The following NFIB variants were observed in gnomAD, a reference collection of about 807,000 sequenced individuals.
The protein encoded by NFIB is nuclear factor 1 B-type.
NFIB carries 11 observed loss-of-function variants against 61.5 expected under a neutral mutation model. The observed-to-expected ratio is 0.18, with a 90% CI of 0.11 to 0.30. The LOEUF (loss-of-function observed/expected upper bound fraction) is 0.30. Ranked by LOEUF, NFIB falls within the 10% of genes least tolerant of loss-of-function variation. The pLI, the probability that NFIB is intolerant of heterozygous loss-of-function variation, is 1.00. For synonymous variants in NFIB, 260 were observed against 216.5 expected (o/e 1.20, Z -1.76); for missense variants, 471 against 608.9 (o/e 0.77, Z 2.38).
At chr9:14,125,855 A>G in intron 6 of NFIB, 89 bp from the exon 7 acceptor site, 1 of 1,516,794 alleles carries the variant, frequency 6.6e-7, no homozygotes, top group Non-Finnish European at 8.8e-7. Flanking sequence ...ATCTTGCAAC[A>G]TTTTAGTATT....
At chr9:14,238,500 G>A (rs777555389) in intron 2 of NFIB, among the ~76,000 whole-genome samples, 1 of 152,166 alleles carries the variant, frequency 6.6e-6, no homozygotes, top group Non-Finnish European at 1.5e-5. Flanking sequence ...GGGTGCATGC[G>A]CTGAATTTTA....
chr9:14,368,577 C>T (rs898138409), intron 1 of NFIB, among the ~76,000 whole-genome samples: 24 of 152,284 alleles, frequency 1.6e-4, no homozygotes, highest in African/African-American at 5.8e-4. Flanking sequence ...AACTGATAAG[C>T]ATTTCTCGAC....
At chr9:14,097,917 G>T (rs2035119458) in intron 10 of NFIB, among the ~76,000 whole-genome samples, 1 of 120,206 alleles carries the variant, frequency 8.3e-6, no homozygotes, top group Non-Finnish European at 1.6e-5. Context: ...TGACCAACCA[G>T]ATCCAAATAA....
intron 1 of NFIB, among the ~76,000 whole-genome samples, chr9:14,311,862 G>T (rs945641976): frequency 2.6e-4 from 39 of 152,094 alleles, no homozygotes; most frequent in East Asian, 1.2e-3. Flanking sequence ...TGATCACGGT[G>T]TAAAAATAAT....
At chr9:14,281,695 A>T (rs2058379143) in intron 2 of NFIB, among the ~76,000 whole-genome samples, 1 of 152,192 alleles carries the variant, frequency 6.6e-6, no homozygotes, top group South Asian at 2.1e-4. Flanking sequence ...CATTATAGGT[A>T]AAAACAATGA....
intron 3 of NFIB, among the ~76,000 whole-genome samples, chr9:14,165,928 T>C (rs2044736322): frequency 6.6e-6 from 1 of 152,162 alleles, no homozygotes; most frequent in Non-Finnish European, 1.5e-5. Context: ...TGGAGGTTGG[T>C]TGCACAATGA....
At chr9:14,119,314 T>G (rs1243921918) in intron 8 of NFIB, among the ~76,000 whole-genome samples, 2 of 152,184 alleles carry the variant, frequency 1.3e-5, no homozygotes, top group Non-Finnish European at 2.9e-5. Flanking sequence ...TCTTCTAAAA[T>G]ACAAATAATA....
chr9:14,257,575 C>T (rs1587970001), intron 2 of NFIB, among the ~76,000 whole-genome samples: 3 of 151,990 alleles, frequency 2.0e-5, no homozygotes, highest in Admixed American at 1.3e-4. Flanking sequence ...GCCAACGTGG[C>T]GAAACCCTGT....
the NFIB span, among the ~76,000 whole-genome samples, chr9:14,492,813 T>C: frequency 6.6e-6 from 1 of 152,102 alleles, no homozygotes; most frequent in African/African-American, 2.4e-5. Flanking sequence ...GTCCCTTTTA[T>C]AGGTAAAGAG....
rs2032418285 is a variant in NFIB, at chr9:14,083,821, A to T, written c.*4488T>A. 2.6e-5 allele frequency: 6 copies of T among 226,424 alleles called. No homozygotes were observed. In the East Asian group the frequency reaches 3.8e-4, roughly 14 times the overall value. The allele number at this position is 226,424 out of a possible 1,614,324, so 14.0% of individuals were successfully genotyped here. On this transcript the variant is annotated 3_prime_UTR_variant, in exon 11 of 11. Coordinates refer to ENST00000380953, the MANE Select transcript of NFIB (RefSeq NM_001190737.2). Reference sequence around the variant, plus strand: ...TGAAGCTACAAGTCACAAATCCAAGATTCTGCTCCCTGAGGACACGTTATG... The same window carrying T: ...TGAAGCTACAAGTCACAAATCCAAGTTTCTGCTCCCTGAGGACACGTTATG...
chr9:14,179,688 A>G (rs1324581117), intron 3 of NFIB, 39 bp downstream of exon 3: 1 of 1,610,558 alleles, frequency 6.2e-7, no homozygotes, highest in Non-Finnish European at 8.5e-7. Flanking sequence ...TTGTTCTCCA[A>G]CAATGTCAGA....
intron 2 of NFIB, among the ~76,000 whole-genome samples, chr9:14,306,244 C>CAAAA (rs1460406865): frequency 3.3e-5 from 5 of 152,054 alleles, no homozygotes; most frequent in African/African-American, 4.8e-5. Flanking sequence ...CTGTAAGCAG[C>CAAAA]GCTGCGACTT....
At chr9:14,261,249 G>A (rs1307173485) in intron 2 of NFIB, among the ~76,000 whole-genome samples, 5 of 152,000 alleles carry the variant, frequency 3.3e-5, no homozygotes, top group Admixed American at 6.6e-5. Context: ...TCTGGGAGAG[G>A]GAGGGTGCAG....
the NFIB span, among the ~76,000 whole-genome samples, chr9:14,501,550 T>C: frequency 6.6e-6 from 1 of 152,216 alleles, no homozygotes; most frequent in African/African-American, 2.4e-5. Context: ...TTGTGAACAT[T>C]AACAATGACG....
the NFIB span, among the ~76,000 whole-genome samples, chr9:14,495,819 T>TA: frequency 6.6e-6 from 1 of 152,212 alleles, no homozygotes; most frequent in Non-Finnish European, 1.5e-5. Flanking sequence ...TATATTCCCC[T>TA]AAATTTAATT....
chr9:14,196,303 C>T (rs1453112476), intron 2 of NFIB, among the ~76,000 whole-genome samples: 1 of 152,094 alleles, frequency 6.6e-6, no homozygotes, highest in Non-Finnish European at 1.5e-5. Context: ...TATGAACCCA[C>T]TCTAGAACTT....
intron 2 of NFIB, among the ~76,000 whole-genome samples, chr9:14,183,657 G>A (rs1467335592): frequency 2.6e-5 from 4 of 151,796 alleles, no homozygotes; most frequent in South Asian, 2.1e-4. Flanking sequence ...CGCCTACCTC[G>A]GCCTCCCAAA....
intron 2 of NFIB, among the ~76,000 whole-genome samples, chr9:14,183,648 G>A (rs925926714): frequency 3.3e-5 from 5 of 152,014 alleles, no homozygotes; most frequent in South Asian, 2.1e-4. Flanking sequence ...GAAGCGATCC[G>A]CCTACCTCGG....
intron 2 of NFIB, among the ~76,000 whole-genome samples, chr9:14,186,017 T>C (rs2131503856): frequency 6.6e-6 from 1 of 152,332 alleles, no homozygotes; most frequent in Non-Finnish European, 1.5e-5. Flanking sequence ...TACTCCTAGA[T>C]GAAACTTCTT....
Sources: gnomAD v4.1 joint callset for allele counts (sites outside exome capture counted in the v4.1 genomes callset) on GRCh38, gnomAD v4.1.1 for gene constraint, MANE v1.5 for transcripts, NCBI Gene and HGNC (gene_info 2026-07-23, HGNC 2026-07-21) for gene names.